PPP1CB: variants seen among roughly 807,000 people sequenced by gnomAD.
PPP1CB encodes the protein protein phosphatase 1 catalytic subunit beta, also known as serine/threonine-protein phosphatase PP1-beta catalytic subunit.
PPP1CB carries 2 observed loss-of-function variants against 43.7 expected under a neutral mutation model. The ratio of observed to expected loss-of-function variants is 0.05; its 90% CI spans 0.02 to 0.14. The LOEUF (loss-of-function observed/expected upper bound fraction) is 0.14. PPP1CB is among the 10% of genes least tolerant of loss of function. The pLI is 1.00. For synonymous variants in PPP1CB, 136 were observed against 135.6 expected, an observed-to-expected ratio of 1.00 and a Z score of -0.02; for missense variants, 84 against 398.0, an observed-to-expected ratio of 0.21 and a Z score of 6.71.
intron 1 of PPP1CB, among the ~76,000 whole-genome samples, chr2:28,762,024 G>A (rs929374702): frequency 2.6e-5 from 4 of 152,134 alleles, no homozygotes; most frequent in Non-Finnish European, 5.9e-5. Context: ...TAGCTCACAC[G>A]TGTAATCTCA....
At chr2:28,777,885 C>G (rs957459928) in intron 2 of PPP1CB, among the ~76,000 whole-genome samples, 1 of 152,138 alleles carries the variant, frequency 6.6e-6, no homozygotes, top group African/African-American at 2.4e-5. Context: ...AATTCCTGAC[C>G]TCAGGTGATC....
At chr2:28,765,642 T>A (rs1001126582) in intron 1 of PPP1CB, among the ~76,000 whole-genome samples, 1 of 152,316 alleles carries the variant, frequency 6.6e-6, no homozygotes, top group Admixed American at 6.5e-5. Flanking sequence ...GCTGACTGGG[T>A]ATGGTGGCTC....
chr2:28,793,837 T>G (rs1667440898), intron 6 of PPP1CB, 26 bp from the exon 7 acceptor site: 4 of 1,613,074 alleles, frequency 2.5e-6, no homozygotes, highest in Non-Finnish European at 2.5e-6. Flanking sequence ...AATAAATGTT[T>G]TTTCTTCTGA....
intron 1 of PPP1CB, among the ~76,000 whole-genome samples, chr2:28,761,271 A>G (rs1393304662): frequency 2.6e-5 from 4 of 152,210 alleles, no homozygotes; most frequent in African/African-American, 9.6e-5. Context: ...ACAGAAAGGA[A>G]TAGCTTTTGT....
intron 1 of PPP1CB, among the ~76,000 whole-genome samples, chr2:28,756,020 T>C (rs566138046): frequency 6.6e-6 from 1 of 152,354 alleles, no homozygotes; most frequent in Non-Finnish European, 1.5e-5. Flanking sequence ...TGTTTAAAGA[T>C]ACTTAACATA....
At chr2:28,783,509 GC>G (rs1667198293) in intron 4 of PPP1CB, among the ~76,000 whole-genome samples, 1 of 152,162 alleles carries the variant, frequency 6.6e-6, no homozygotes, top group Non-Finnish European at 1.5e-5. Context: ...TGTAATCTCA[GC>G]ACTTTGGGAG....
chr2:28,794,601 G>C (rs369086390), intron 7 of PPP1CB, among the ~76,000 whole-genome samples: 52 of 152,154 alleles, frequency 3.4e-4, no homozygotes, highest in African/African-American at 1.2e-3. Flanking sequence ...TGAGGCAGGA[G>C]AATGTCGTGA....
intron 1 of PPP1CB, among the ~76,000 whole-genome samples, chr2:28,764,113 A>G (rs1007233782): frequency 9.9e-5 from 15 of 151,978 alleles, no homozygotes; most frequent in African/African-American, 3.6e-4. Context: ...AAAGATGGGG[A>G]GGAAAGGAAG....
At chr2:28,758,872 T>A (rs903201799) in intron 1 of PPP1CB, among the ~76,000 whole-genome samples, 1 of 152,232 alleles carries the variant, frequency 6.6e-6, no homozygotes, top group Non-Finnish European at 1.5e-5. Context: ...TGCTTTTTGA[T>A]GCATGCCCAC....
intron 5 of PPP1CB, 80 bp downstream of exon 5, chr2:28,784,058 T>C: frequency 9.4e-7 from 1 of 1,067,614 alleles, no homozygotes; most frequent in Non-Finnish European, 1.4e-6. Context: ...GGAAGTAGGA[T>C]TGGCTTATGT....
intron 1 of PPP1CB, among the ~76,000 whole-genome samples, chr2:28,769,339 C>T (rs537057841): frequency 9.2e-5 from 14 of 152,298 alleles, no homozygotes; most frequent in Admixed American, 5.9e-4. Context: ...CGGGTTCAAG[C>T]GATTCTCCTG....
intron 2 of PPP1CB, among the ~76,000 whole-genome samples, chr2:28,777,736 T>A (rs1030620827): frequency 7.2e-5 from 11 of 152,288 alleles, no homozygotes; most frequent in Admixed American, 7.2e-4. Context: ...CACTGCAACC[T>A]CCACCTCCCG....
At chr2:28,792,803 C>T (rs1204431610) in intron 6 of PPP1CB, among the ~76,000 whole-genome samples, 1 of 152,076 alleles carries the variant, frequency 6.6e-6, no homozygotes, top group Admixed American at 6.6e-5. Context: ...TAATCTTGCC[C>T]ACCGTAAATA....
At chr2:28,758,740 G>A (rs1240979277) in intron 1 of PPP1CB, among the ~76,000 whole-genome samples, 1 of 152,200 alleles carries the variant, frequency 6.6e-6, no homozygotes, top group Non-Finnish European at 1.5e-5. Flanking sequence ...ATTTGTGAGA[G>A]TATGTATAAC....
At chr2:28,756,769 C>T (rs1275913651) in intron 1 of PPP1CB, among the ~76,000 whole-genome samples, 6 of 151,744 alleles carry the variant, frequency 4.0e-5, no homozygotes, top group East Asian at 1.9e-4. Flanking sequence ...ATTACAGGTG[C>T]GAGGTGCTGC....
intron 1 of PPP1CB, among the ~76,000 whole-genome samples, chr2:28,774,724 T>G (rs1183227476): frequency 6.6e-6 from 1 of 151,942 alleles, no homozygotes; most frequent in East Asian, 1.9e-4. Flanking sequence ...CCGCACCTGG[T>G]CACATTTTTT....
chr2:28,770,797 T>G (rs1436673268), intron 1 of PPP1CB, among the ~76,000 whole-genome samples: 3 of 152,066 alleles, frequency 2.0e-5, no homozygotes, highest in African/African-American at 2.4e-5. Flanking sequence ...AAAATATGTA[T>G]GAAACATTTA....
chr2:28,775,960 T>C (rs529937431), intron 1 of PPP1CB, among the ~76,000 whole-genome samples: 1 of 152,334 alleles, frequency 6.6e-6, no homozygotes, highest in East Asian at 1.9e-4. Context: ...ATTGGGAATG[T>C]AACGATAAGT....
At position 28,800,206 on chromosome 2, in the gene PPP1CB, T is replaced by G. The variant is rs1262410051; in HGVS notation, c.*903T>G. 1 of 149,304 alleles carries G rather than the reference T, an allele frequency of 6.7e-6. No homozygotes were observed. Among genetic ancestry groups the G allele is most frequent in the Non-Finnish European group, 1.5e-5 (1 of 67,486 alleles). 9.2% of individuals were successfully genotyped at this position (149,304 alleles called of 1,614,324 possible). A position where few individuals can be genotyped will look rare whatever the true frequency, so the allele number is the denominator to read the frequency against. ...TGGTAACACCTTCACCTGCATTGGTTTTCTTTTTCTTTTTTCTTTCTTTTT... is the reference window on the plus strand; with the variant it reads ...TGGTAACACCTTCACCTGCATTGGTGTTCTTTTTCTTTTTTCTTTCTTTTT... On this transcript the variant is annotated 3_prime_UTR_variant, in exon 8 of 8. Transcript: ENST00000395366.
Sources: allele counts gnomAD v4.1 joint callset (sites outside exome capture counted in the v4.1 genomes callset), GRCh38; gene constraint gnomAD v4.1.1; transcripts MANE v1.5; gene names NCBI Gene and HGNC (gene_info 2026-07-23, HGNC 2026-07-21).